RNF111: variants seen among roughly 807,000 people sequenced by gnomAD.
RNF111 encodes the protein E3 ubiquitin-protein ligase Arkadia.
RNF111 carries 17 observed loss-of-function variants against 95.1 expected under a neutral mutation model. The observed-to-expected ratio is 0.18, with a 90% CI of 0.12 to 0.27. RNF111 has a LOEUF of 0.27. Ranked by LOEUF, RNF111 falls within the 10% of genes least tolerant of loss-of-function variation. The pLI is 1.00. For synonymous variants in RNF111, 440 were observed against 414.8 expected, an observed-to-expected ratio of 1.06 and a Z score of -0.74; for missense variants, 1,189 against 1,210.4, an observed-to-expected ratio of 0.98 and a Z score of 0.26.
intron 1 of RNF111, among the ~76,000 whole-genome samples, chr15:59,027,430 A>G (rs1442250164): frequency 2.0e-5 from 3 of 152,094 alleles, no homozygotes; most frequent in Non-Finnish European, 4.4e-5. Context: ...ATTTTATTTC[A>G]CTGGGTTTTT....
chr15:59,018,769 G>C (rs1048152211), intron 1 of RNF111, among the ~76,000 whole-genome samples: 1 of 152,096 alleles, frequency 6.6e-6, no homozygotes, highest in Non-Finnish European at 1.5e-5. Flanking sequence ...ATAACAGTTT[G>C]TACAAATCCT....
At chr15:59,057,328 A>C (rs1596228109) in intron 4 of RNF111, among the ~76,000 whole-genome samples, 1 of 152,152 alleles carries the variant, frequency 6.6e-6, no homozygotes, top group East Asian at 1.9e-4. Flanking sequence ...CCCCTTTTTT[A>C]TGTACAAGCA....
chr15:59,078,680 G>A (rs2078643196), intron 7 of RNF111, among the ~76,000 whole-genome samples: 1 of 151,844 alleles, frequency 6.6e-6, no homozygotes, highest in Non-Finnish European at 1.5e-5. Context: ...CCAACATGGC[G>A]AAACCCTGTC....
chr15:59,019,811 T>C (rs1415642098), intron 1 of RNF111, among the ~76,000 whole-genome samples: 2 of 151,936 alleles, frequency 1.3e-5, no homozygotes, highest in Admixed American at 6.6e-5. Context: ...ATACAAAAAT[T>C]AGCCAGGTGT....
At chr15:59,072,798 A>G (rs909548633) in intron 6 of RNF111, among the ~76,000 whole-genome samples, 9 of 151,258 alleles carry the variant, frequency 6.0e-5, no homozygotes, top group Non-Finnish European at 1.3e-4. Context: ...AGAAGATTCT[A>G]TCTCAAGAAA....
At chr15:59,079,829 G>T (rs60285686) in intron 7 of RNF111, among the ~76,000 whole-genome samples, 39,141 of 151,692 alleles carry the variant, frequency 0.26, 5,145 homozygotes, top group Middle Eastern at 0.42. Flanking sequence ...GAAACAAATA[G>T]GTCTCCTTCA....
At chr15:59,070,151 A>G (rs183457862) in intron 6 of RNF111, among the ~76,000 whole-genome samples, 7 of 148,760 alleles carry the variant, frequency 4.7e-5, no homozygotes, top group Non-Finnish European at 7.4e-5. Context: ...CTGGGACTAC[A>G]GGCATGTACC....
At chr15:58,994,009 A>G (rs2038933914) in intron 1 of RNF111, among the ~76,000 whole-genome samples, 1 of 146,554 alleles carries the variant, frequency 6.8e-6, no homozygotes, top group African/African-American at 2.5e-5. Context: ...CTATCTTTTG[A>G]CATCCCAATT....
intron 5 of RNF111, 136 bp from the exon 6 acceptor site, chr15:59,066,628 C>G: frequency 1.4e-6 from 1 of 734,462 alleles, no homozygotes; most frequent in Non-Finnish European, 2.2e-6. Flanking sequence ...AAGAACGTGG[C>G]ACTATCACAT....
Position 59,012,003 on chromosome 15 carries a change from C to CTTTTTTTTTTTTTTTTTTTTTTT in RNF111, c.-19-18794_-19-18772dup, listed in dbSNP as rs71425836. Among the ~76,000 whole-genome samples, 10 of 40,450 alleles carry CTTTTTTTTTTTTTTTTTTTTTTT rather than the reference C, an allele frequency of 2.5e-4. 3 individuals carry two copies. Among genetic ancestry groups the CTTTTTTTTTTTTTTTTTTTTTTT allele is most frequent in the African/African-American group, 3.3e-4 (4 of 12,118 alleles). 26.5% of individuals were successfully genotyped at this position (40,450 alleles called of 152,430 possible). A position where few individuals can be genotyped will look rare whatever the true frequency, so the allele number is the denominator to read the frequency against. ...TTAGTGTTCTTTTTTGTTTGTTTGC[C>CTTTTTTTTTTTTTTTTTTTTTTT]TTTTTTTTTTTTTTTTTTTTTTTTT... On this transcript the variant is annotated intron_variant, in intron 1 of 13. Coordinates refer to ENST00000348370, the MANE Select transcript of RNF111 (RefSeq NM_017610.8).
At chr15:59,045,778 T>A (rs1362461587) in intron 2 of RNF111, among the ~76,000 whole-genome samples, 1 of 152,248 alleles carries the variant, frequency 6.6e-6, no homozygotes, top group Non-Finnish European at 1.5e-5. Flanking sequence ...TTAGCTGGAT[T>A]AATATCTCAA....
At chr15:59,093,018 A>C (rs1179406698) in intron 13 of RNF111, among the ~76,000 whole-genome samples, 1 of 152,188 alleles carries the variant, frequency 6.6e-6, no homozygotes, top group African/African-American at 2.4e-5. Flanking sequence ...AAAAGAGTAA[A>C]AGTAAACTGG....
At chr15:59,030,512 G>A (rs2040850709) in intron 1 of RNF111, among the ~76,000 whole-genome samples, 2 of 152,192 alleles carry the variant, frequency 1.3e-5, no homozygotes, top group Admixed American at 1.3e-4. Context: ...TTTTGTTGCT[G>A]AAGGTAGTGA....
intron 1 of RNF111, among the ~76,000 whole-genome samples, chr15:58,988,702 G>C (rs2038678633): frequency 6.6e-6 from 1 of 152,240 alleles, no homozygotes; most frequent in South Asian, 2.1e-4. Flanking sequence ...GATCTTTACA[G>C]ATGGGTATTT....
intron 6 of RNF111, among the ~76,000 whole-genome samples, chr15:59,067,992 T>C (rs1196713894): frequency 1.3e-5 from 2 of 152,236 alleles, no homozygotes; most frequent in Non-Finnish European, 2.9e-5. Context: ...AAATGTCAAC[T>C]AGTATTAAAT....
rs199895340 is a variant in RNF111 at position 59,058,369 on chromosome 15, A to C, written c.1185A>C (p.Val395=). Residue 395 remains valine, a synonymous_variant, in exon 5 of 14, where the codon GTA becomes GTC. Coordinates refer to ENST00000348370, the MANE Select transcript of RNF111 (RefSeq NM_017610.8). ...LTVDEDEPTV[V]PTTSARMESQ... is the part of the protein sequence containing the mutation. Reference sequence around the variant, plus strand: ...TGTATTTTGTAGAACCTACTGTAGTACCAACCACTTCTGCAAGAATGGAAT... The same window carrying C: ...TGTATTTTGTAGAACCTACTGTAGTCCCAACCACTTCTGCAAGAATGGAAT... The C allele has an allele frequency of 7.2e-5, 116 of 1,614,040 alleles. No homozygotes were observed. Among genetic ancestry groups the C allele is most frequent in the Middle Eastern group, 3.3e-4 (2 of 6,060 alleles).
chr15:59,021,332 G>A (rs2040331510), intron 1 of RNF111, among the ~76,000 whole-genome samples: 1 of 152,054 alleles, frequency 6.6e-6, no homozygotes, highest in Non-Finnish European at 1.5e-5. Flanking sequence ...TGTATTTTTA[G>A]TAGAGACAGG....
intron 1 of RNF111, among the ~76,000 whole-genome samples, chr15:59,029,071 C>G (rs1471807547): frequency 6.6e-6 from 1 of 152,124 alleles, no homozygotes; most frequent in Non-Finnish European, 1.5e-5. Flanking sequence ...TGAGCCACCG[C>G]GCCCAGCTTG....
chr15:59,009,569 G>A (rs1420956163), intron 1 of RNF111, among the ~76,000 whole-genome samples: 1 of 151,640 alleles, frequency 6.6e-6, no homozygotes, highest in Non-Finnish European at 1.5e-5. Context: ...TCTGAAGAAA[G>A]GTGATTAGAT....
Sources: gnomAD v4.1 joint callset for allele counts (sites outside exome capture counted in the v4.1 genomes callset) on GRCh38, gnomAD v4.1.1 for gene constraint, MANE v1.5 for transcripts, NCBI Gene and HGNC (gene_info 2026-07-23, HGNC 2026-07-21) for gene names.